The following PSG2 variants were observed in gnomAD, a reference collection of about 807,000 sequenced individuals.
PSG2 encodes the protein pregnancy specific beta-1-glycoprotein 2, also known as pregnancy-specific beta-1-glycoprotein 2.
In PSG2, 49 loss-of-function variants were observed where a neutral mutation model predicts 36.2. That is an observed-to-expected ratio of 1.35 (90% CI 1.08 to 1.72). The LOEUF (loss-of-function observed/expected upper bound fraction) is 1.72. Among genes scored for constraint, PSG2 ranks in the 40% most tolerant of loss-of-function variants. PSG2 has a pLI of 0.00. For synonymous variants in PSG2, 261 were observed against 155.6 expected, an observed-to-expected ratio of 1.68 and a Z score of -5.04; for missense variants, 605 against 407.2, an observed-to-expected ratio of 1.49 and a Z score of -4.18.
chr19:43,073,668 G>C (rs572600010), intron 3 of PSG2, among the ~76,000 whole-genome samples: 31 of 151,782 alleles, frequency 2.0e-4, no homozygotes, highest in Admixed American at 9.8e-4. Flanking sequence ...TGGTTGCCAG[G>C]AGCTGGGAGT....
intron 5 of PSG2, among the ~76,000 whole-genome samples, chr19:43,064,841 T>A (rs931710979): frequency 1.8e-4 from 27 of 150,328 alleles, no homozygotes; most frequent in Non-Finnish European, 3.2e-4. Flanking sequence ...ATTAAAAAAA[T>A]TTTTTTTTCA....
chr19:43,069,013 G>A (rs115252157), intron 4 of PSG2, among the ~76,000 whole-genome samples: 3,127 of 151,660 alleles, frequency 0.021, 142 homozygotes, highest in East Asian at 0.096. Context: ...ATTCAGTAAC[G>A]TTGCACAATA....
rs192255359 is a variant in PSG2, at chr19:43,072,678, C to T, written c.710-724G>A. 2.6e-4 allele frequency: 408 copies of T among 1,598,920 alleles called. 13 individuals carry two copies. The African/African-American group carries it at 5.0e-3, about 20-fold the overall frequency. On this transcript the variant is annotated intron_variant, in intron 3 of 5. Coordinates refer to ENST00000406487, the MANE Select transcript of PSG2 (RefSeq NM_031246.4). ...TTGTCCTGTGTGGCACTTTTGATTCCTCCACAGGCATCCTTCAATCAGAGT... is the reference window on the plus strand; with the variant it reads ...TTGTCCTGTGTGGCACTTTTGATTCTTCCACAGGCATCCTTCAATCAGAGT...
Position 43,081,151 on chromosome 19 carries a change from G to T in PSG2, c.160C>A (p.Leu54Ile). The change falls in exon 2 of 6, where the codon CTT (leucine) becomes ATT (isoleucine). Residue 54 changes from leucine (L) to isoleucine (I), a missense_variant. Transcript: ENST00000406487. ...KVSEGKDVLLLVHNLPQNLTG... is the reference protein window; with the variant it reads ...KVSEGKDVLLIVHNLPQNLTG... Reference sequence around the variant, plus strand: ...AGATTCTGGGGCAAATTGTGGACAAGTAGAAGAACATCCTTCCCCTCGGAA... The same window carrying T: ...AGATTCTGGGGCAAATTGTGGACAATTAGAAGAACATCCTTCCCCTCGGAA... 2 of 1,612,874 alleles carry T rather than the reference G, an allele frequency of 1.2e-6. No individual in the cohort carries two copies. Among genetic ancestry groups the T allele is most frequent in the Non-Finnish European group, 1.7e-6 (2 of 1,179,682 alleles).
intron 1 of PSG2, among the ~76,000 whole-genome samples, 159 bp from the exon 2 acceptor site, chr19:43,081,405 G>A (rs1401266910): frequency 1.4e-5 from 2 of 146,276 alleles, no homozygotes; most frequent in African/African-American, 2.6e-5. Context: ...ACACAAAAGG[G>A]GCATGTGTGT....
At chr19:43,081,529 C>T (rs1404476859) in intron 1 of PSG2, among the ~76,000 whole-genome samples, 1 of 150,808 alleles carries the variant, frequency 6.6e-6, no homozygotes, top group Non-Finnish European at 1.5e-5. Context: ...GAATCCTCTT[C>T]CCCAGGGGTC....
intron 3 of PSG2, among the ~76,000 whole-genome samples, chr19:43,073,777 C>A (rs1404633326): frequency 6.6e-6 from 1 of 151,600 alleles, no homozygotes; most frequent in Non-Finnish European, 1.5e-5. Flanking sequence ...ATAGTTCACA[C>A]AGATTGAGTA....
At chr19:43,072,107 A>C (rs1967827495) in intron 3 of PSG2, among the ~76,000 whole-genome samples, 153 bp from the exon 4 acceptor site, 1 of 151,544 alleles carries the variant, frequency 6.6e-6, no homozygotes, top group Non-Finnish European at 1.5e-5. Context: ...ACCCTGAAGT[A>C]TTCACCTGTT....
intron 3 of PSG2, among the ~76,000 whole-genome samples, chr19:43,073,481 ACTG>A (rs139938443): frequency 0.035 from 5,287 of 151,802 alleles, 422 homozygotes; most frequent in African/African-American, 0.12. Flanking sequence ...GTGGGAATGA[ACTG>A]CTGGAAATCT....
intron 1 of PSG2, 123 bp from the exon 2 acceptor site, chr19:43,081,369 ACACACACACACACACACAC>A: frequency 2.5e-6 from 3 of 1,218,648 alleles, no homozygotes; most frequent in Non-Finnish European, 3.3e-6. Context: ...ACACACACAC[ACACACACACACACACACAC>A]ACACACACAC....
chr19:43,072,853 A>G (rs766695282), intron 3 of PSG2, among the ~76,000 whole-genome samples: 2 of 151,704 alleles, frequency 1.3e-5, no homozygotes, highest in African/African-American at 2.4e-5. Flanking sequence ...TGAAGTGTCA[A>G]TTGAGCAGCA....
chr19:43,075,488 CTA>C lies in PSG2; in HGVS notation c.573_574del (p.His191GlnfsTer25). 2 of 1,613,188 alleles carry C rather than the reference CTA, an allele frequency of 1.2e-6. No homozygotes were observed. The highest frequency in any genetic ancestry group is 1.1e-5 in the South Asian group (1 of 91,050). On this transcript the variant is annotated frameshift_variant, in exon 3 of 6. Coordinates refer to ENST00000406487, the MANE Select transcript of PSG2 (RefSeq NM_031246.4). LOFTEE classifies it high-confidence loss of function. ...CCTGTTGGTTTCGGACAGCTGAAAC[CTA>C]TGAGTCATAGGGAGGCTCTGACCAT...
At chr19:43,075,182 G>T (rs1967875087) in intron 3 of PSG2, among the ~76,000 whole-genome samples, 172 bp downstream of exon 3, 1 of 151,730 alleles carries the variant, frequency 6.6e-6, no homozygotes, top group Non-Finnish European at 1.5e-5. Context: ...CTCCTATTGT[G>T]GATCAAGCCT....
At chr19:43,072,239 G>A (rs1400499037) in intron 3 of PSG2, 40 of 1,514,848 alleles carry the variant, frequency 2.6e-5, no homozygotes, top group Non-Finnish European at 3.6e-5. Flanking sequence ...GGCCAGCTTG[G>A]ATGTCCAGAA....
In PSG2 at chr19:43,080,950, T is replaced by G; in HGVS notation, c.361A>C (p.Thr121Pro). 2 of 1,613,014 alleles carry G rather than the reference T, an allele frequency of 1.2e-6. No homozygotes were observed. Among genetic ancestry groups the G allele is most frequent in the Non-Finnish European group, 1.7e-6 (2 of 1,179,640 alleles). The change falls in exon 2 of 6, where the codon ACC (threonine) becomes CCC (proline). Residue 121 changes from threonine to proline, a missense_variant. By Grantham distance (38) the Thr-to-Pro change is conservative (BLOSUM62 -1). Coordinates refer to ENST00000406487, the MANE Select transcript of PSG2 (RefSeq NM_031246.4). ...NVTREDAGSY[T>P]LHIIKRGDGT... ...TCACCTCGCTTTATGATGTGTAAGG[T>G]GTAGGATCCTGCGTCCTCCCGGGTG... is the stretch of plus-strand genomic sequence containing the variant.
chr19:43,077,175 G>A (rs1241959264), intron 2 of PSG2, among the ~76,000 whole-genome samples: 1 of 151,522 alleles, frequency 6.6e-6, no homozygotes, highest in Non-Finnish European at 1.5e-5. Context: ...TTTCTCCTGA[G>A]ACCAAAATAA....
At chr19:43,076,064 A>T (rs904807903) in intron 2 of PSG2, among the ~76,000 whole-genome samples, 12 of 151,684 alleles carry the variant, frequency 7.9e-5, no homozygotes, top group African/African-American at 1.2e-4. Context: ...AAGGACATCC[A>T]AGAGATGAAT....
intron 3 of PSG2, among the ~76,000 whole-genome samples, chr19:43,074,747 T>A (rs532488883): frequency 6.6e-6 from 1 of 151,886 alleles, no homozygotes; most frequent in Admixed American, 6.5e-5. Flanking sequence ...CAGCAGTGGC[T>A]GAGTTATGGA....
chr19:43,071,574 G>A, intron 4 of PSG2, 126 bp downstream of exon 4: 6 of 1,606,182 alleles, frequency 3.7e-6, no homozygotes, highest in Non-Finnish European at 5.1e-6. Context: ...TTCAGGAGGA[G>A]AATTTGGGAT....
Sources: gnomAD v4.1 joint callset for allele counts (sites outside exome capture counted in the v4.1 genomes callset) on GRCh38, gnomAD v4.1.1 for gene constraint, MANE v1.5 for transcripts, NCBI Gene and HGNC (gene_info 2026-07-23, HGNC 2026-07-21) for gene names.